The following TNRC18 variants were observed in gnomAD, a reference collection of about 807,000 sequenced individuals.
TNRC18 encodes the protein trinucleotide repeat-containing gene 18 protein.
TNRC18 carries 69 observed loss-of-function variants against 226.7 expected under a neutral mutation model. The ratio of observed to expected loss-of-function variants is 0.30; its 90% confidence interval spans 0.25 to 0.37. The LOEUF is 0.37. TNRC18 is among the 10% of genes least tolerant of loss of function. The pLI is 1.00. For missense variants in TNRC18, 4,754 were observed against 4,256.6 expected (o/e 1.12, Z -3.25); for synonymous variants, 2,449 against 1,927.6 (o/e 1.27, Z -7.09).
In TNRC18 at chr7:5,326,686, A is replaced by C. The variant is rs4398812; in HGVS notation, c.6148-1438T>G. Among the ~76,000 whole-genome samples the C allele has an allele frequency of 4.7e-3, 721 of 152,268 alleles. 5 individuals carry two copies. The highest frequency in any genetic ancestry group is 0.017 in the African/African-American group (688 of 41,554). ...GCTGGGCATGGTGGCGGGTGCCTGT[A>C]ATCTCAGCTACTCGGGTGGCTGAGG... is the stretch of plus-strand genomic sequence containing the variant. On this transcript the variant is annotated intron_variant, in intron 19 of 29. Transcript: ENST00000430969.
intron 11 of TNRC18, among the ~76,000 whole-genome samples, chr7:5,368,047 C>G (rs528240762): frequency 1.5e-5 from 1 of 68,954 alleles, no homozygotes; most frequent in Admixed American, 1.2e-4. Flanking sequence ...TTATTTGCAA[C>G]GGAGAAAAAA....
intron 10 of TNRC18, among the ~76,000 whole-genome samples, chr7:5,372,871 T>C (rs995157825): frequency 2.0e-5 from 3 of 151,816 alleles, no homozygotes; most frequent in African/African-American, 7.3e-5. Flanking sequence ...ATATAAAAAA[T>C]AAATTGGCCA....
intron 21 of TNRC18, among the ~76,000 whole-genome samples, chr7:5,322,984 C>T (rs1424718347): frequency 6.6e-6 from 1 of 152,168 alleles, no homozygotes; most frequent in African/African-American, 2.4e-5. Context: ...TCTTAAGCCA[C>T]GGGTCTGGCA....
rs762694960 is a variant in TNRC18, at chr7:5,387,940, C to T, written c.1884G>A (p.Ala628=). 20 of 1,597,996 alleles carry T rather than the reference C, an allele frequency of 1.3e-5. No individual in the cohort carries two copies. Among genetic ancestry groups the T allele is most frequent in the Non-Finnish European group, 1.7e-5 (20 of 1,173,380 alleles). ...GACGGGCCTGGGCTCGGGAGGCACC[C>T]GCAGAGGTGGGCGCAGGCTCGGGTT... ...TMKPEPAPTS[A]GASRAQARLP... is the part of the protein sequence containing the mutation. Residue 628 remains alanine, a synonymous_variant, in exon 5 of 30, where the codon GCG becomes GCA. Coordinates refer to ENST00000430969, the MANE Select transcript of TNRC18 (RefSeq NM_001080495.3).
chr7:5,321,225 C>T (rs939387528), intron 21 of TNRC18, 35 bp from the exon 22 acceptor site: 11 of 1,468,240 alleles, frequency 7.5e-6, no homozygotes, highest in Admixed American at 4.0e-5. Context: ...AGGCTGGAGC[C>T]GGGGGCGTCT....
In TNRC18 at chr7:5,390,528, C is replaced by G. The variant is rs368908774; in HGVS notation, c.444G>C (p.Gln148His). ...CTTTCTGGGTATCGAAAATGCTGGG[C>G]TGACCCAGCTGGCTGAGGAGGGGGC... ...SGSPLLSQLG[Q>H]PSIFDTQKGQ... The change falls in exon 4 of 30, where the codon CAG becomes CAC. Residue 148 changes from glutamine (Q) to histidine (H), a missense_variant. Gln to His is a conservative substitution (Grantham distance 24). Coordinates refer to ENST00000430969, the MANE Select transcript of TNRC18 (RefSeq NM_001080495.3). 4 of 1,613,546 alleles carry G rather than the reference C, an allele frequency of 2.5e-6. No individual in the cohort carries two copies. In the African/African-American group the frequency reaches 5.3e-5, roughly 22 times the overall value.
intron 2 of TNRC18, among the ~76,000 whole-genome samples, chr7:5,415,763 T>C (rs1054957839): frequency 6.6e-6 from 1 of 151,966 alleles, no homozygotes; most frequent in African/African-American, 2.4e-5. Flanking sequence ...CAGGTGGTTG[T>C]CCAGGGAAAG....
Position 5,371,329 on chromosome 7 carries a change from G to A in TNRC18, c.3265C>T (p.Pro1089Ser), listed in dbSNP as rs376991542. ...PPRYPFQALP[P>S]HYGRPYPFLL... ...AAAGGGTAGGGCCTCCCGTAGTGCG[G>A]TGGCAGGGCTTGGAACGGGTACCTG... The change falls in exon 11 of 30, where the codon CCG (proline) becomes TCG (serine). Residue 1089 changes from proline to serine, a missense_variant. Pro to Ser is a moderately conservative substitution (Grantham distance 74). Transcript: ENST00000430969. The A allele has an allele frequency of 7.8e-6, 12 of 1,530,320 alleles. No individual in the cohort carries two copies. The highest frequency in any genetic ancestry group is 1.0e-5 in the Non-Finnish European group (12 of 1,143,826). 94.8% of individuals were successfully genotyped at this position (1,530,320 alleles called of 1,614,324 possible).
At chr7:5,412,524 TGAG>T in intron 2 of TNRC18, among the ~76,000 whole-genome samples, 2 of 151,628 alleles carry the variant, frequency 1.3e-5, no homozygotes. Context: ...TGCAGTGGGC[TGAG>T]ATCGCGCCAC....
chr7:5,373,949 G>T, intron 10 of TNRC18, 106 bp downstream of exon 10: 1 of 900,122 alleles, frequency 1.1e-6, no homozygotes, highest in Non-Finnish European at 1.6e-6. Context: ...GGTGCTCCGT[G>T]GAGGTGGAAT....
At position 5,371,333 on chromosome 7, in the gene TNRC18, C is replaced by A; in HGVS notation, c.3261G>T (p.Leu1087=). ...DIPPRYPFQA[L]PPHYGRPYPF... ...GGTAGGGCCTCCCGTAGTGCGGTGG[C>A]AGGGCTTGGAACGGGTACCTGGGCG... Residue 1087 remains leucine, a synonymous_variant, in exon 11 of 30, where the codon CTG becomes CTT. Coordinates refer to ENST00000430969, the MANE Select transcript of TNRC18 (RefSeq NM_001080495.3). 1 of 1,527,298 alleles carries A rather than the reference C, an allele frequency of 6.5e-7. No individual in the cohort carries two copies. Among genetic ancestry groups the A allele is most frequent in the South Asian group, 1.2e-5 (1 of 80,318 alleles). The allele number at this position is 1,527,298 out of a possible 1,614,324, so 94.6% of individuals were successfully genotyped here. A position where few individuals can be genotyped will look rare whatever the true frequency, so the allele number is the denominator to read the frequency against.
At chr7:5,385,664 C>T (rs1005567818) in intron 5 of TNRC18, among the ~76,000 whole-genome samples, 4 of 130,546 alleles carry the variant, frequency 3.1e-5, no homozygotes, top group Non-Finnish European at 6.5e-5. Flanking sequence ...AGCGTGGTGA[C>T]AGAGCGAGAC....
rs746221095 is a variant in TNRC18, at chr7:5,357,140, T to G, written c.4970A>C (p.Lys1657Thr). ...KFSDSAGGKS[K>T]TSGGCGRYLT... ...GTACCTGCCGCAGCCCCCGCTAGTTTTCGATTTCCCCCCAGCACTGTCCGA... is the reference window on the plus strand; with the variant it reads ...GTACCTGCCGCAGCCCCCGCTAGTTGTCGATTTCCCCCCAGCACTGTCCGA... The change falls in exon 16 of 30, where the codon AAA becomes ACA. Residue 1657 changes from lysine (K) to threonine (T), a missense_variant. Coordinates refer to ENST00000430969, the MANE Select transcript of TNRC18 (RefSeq NM_001080495.3). 1 of 1,568,550 alleles carries G rather than the reference T, an allele frequency of 6.4e-7. No homozygotes were observed. Among genetic ancestry groups the G allele is most frequent in the Non-Finnish European group, 8.7e-7 (1 of 1,155,852 alleles).
Position 5,420,780 on chromosome 7 carries a change from C to T in TNRC18, c.187+280G>A. The T allele has an allele frequency of 6.1e-6, 4 of 657,912 alleles. No homozygotes were observed. The Middle Eastern group carries it at 9.6e-4, about 157-fold the overall frequency. The allele number at this position is 657,912 out of a possible 1,614,324, so 40.8% of individuals were successfully genotyped here. A position where few individuals can be genotyped will look rare whatever the true frequency, so the allele number is the denominator to read the frequency against. Reference sequence around the variant, plus strand: ...GCCCAGGCTCGTGCCGCCGGGGCCCCGGGGATTGGAATCGCCCCCGGTGGC... The same window carrying T: ...GCCCAGGCTCGTGCCGCCGGGGCCCTGGGGATTGGAATCGCCCCCGGTGGC... On this transcript the variant is annotated intron_variant, in intron 2 of 29. Transcript: ENST00000430969.
chr7:5,322,831 C>T (rs1352726149), intron 21 of TNRC18, among the ~76,000 whole-genome samples: 3 of 152,236 alleles, frequency 2.0e-5, no homozygotes, highest in Non-Finnish European at 2.9e-5. Flanking sequence ...GGCCGTATCC[C>T]TGCTGTGCCT....
chr7:5,322,267 C>G (rs995307570), intron 21 of TNRC18, among the ~76,000 whole-genome samples: 12 of 136,736 alleles, frequency 8.8e-5, no homozygotes, highest in African/African-American at 2.7e-4. Context: ...GACAGAGAGT[C>G]AGATTCCGTC....
intron 5 of TNRC18, among the ~76,000 whole-genome samples, chr7:5,378,249 A>AT (rs1234513217): frequency 4.6e-5 from 7 of 152,096 alleles, no homozygotes; most frequent in Admixed American, 2.0e-4. Flanking sequence ...CCGCTCTGTC[A>AT]TCCCCCATCC....
At chr7:5,397,960 G>A (rs1189463859) in intron 2 of TNRC18, among the ~76,000 whole-genome samples, 1 of 152,020 alleles carries the variant, frequency 6.6e-6, no homozygotes. Flanking sequence ...TGCCACCCAG[G>A]ACATACTTCT....
In TNRC18 at chr7:5,390,663, A is replaced by G. The variant is rs551629184; in HGVS notation, c.344-35T>C. 315 of 1,476,850 alleles carry G rather than the reference A, an allele frequency of 2.1e-4. 5 individuals are homozygous for G. The East Asian group carries it at 7.5e-3, about 35-fold the overall frequency. 91.5% of individuals were successfully genotyped at this position (1,476,850 alleles called of 1,614,324 possible). On this transcript the variant is annotated intron_variant, in intron 3 of 29. Coordinates refer to ENST00000430969, the MANE Select transcript of TNRC18 (RefSeq NM_001080495.3). ...AAAAGAGAAAAGCTGGGCTGGGCCA[A>G]TTCGTGCTGCTCACCAGGAGCTTCC...
Sources: gnomAD v4.1 joint callset for allele counts (sites outside exome capture counted in the v4.1 genomes callset) on GRCh38, gnomAD v4.1.1 for gene constraint, MANE v1.5 for transcripts, NCBI Gene and HGNC (gene_info 2026-07-23, HGNC 2026-07-21) for gene names.